The following SPPL3 variants were observed in gnomAD, a reference collection of about 807,000 sequenced individuals.
The protein encoded by SPPL3 is signal peptide peptidase-like 3.
A neutral mutation model predicts 42.4 loss-of-function variants in SPPL3; 5 were observed. That is an observed-to-expected ratio of 0.12 (90% CI 0.06 to 0.25). SPPL3 has a LOEUF of 0.25. Ranked by LOEUF, SPPL3 falls within the 10% of genes least tolerant of loss-of-function variation. The probability of loss-of-function intolerance (pLI) is 1.00; values close to 1 mark genes in which losing one functional copy is unlikely to be tolerated. For synonymous variants in SPPL3, 195 were observed against 181.8 expected (o/e 1.07, Z -0.58); for missense variants, 235 against 489.0 (o/e 0.48, Z 4.90).
intron 1 of SPPL3, among the ~76,000 whole-genome samples, chr12:120,827,328 CAAT>C (rs71076662): frequency 0.32 from 46,694 of 145,358 alleles, 7,870 homozygotes; most frequent in Non-Finnish European, 0.38. Context: ...ATAACAGGAA[CAAT>C]AATAATAATA....
chr12:120,858,814 G>C (rs1016350983), intron 1 of SPPL3, among the ~76,000 whole-genome samples: 4 of 152,184 alleles, frequency 2.6e-5, no homozygotes, highest in Admixed American at 2.0e-4. Flanking sequence ...ACTAGTCTCT[G>C]ACAGCAACGC....
At position 120,839,722 on chromosome 12, in the gene SPPL3, G is replaced by A. The variant is rs546505424; in HGVS notation, c.24-28836C>T. Reference sequence around the variant, plus strand: ...ATTAGGAAACAATAAGATACAGACTGTAAAACAGTGCAGTCACTTTGGAAA... The same window carrying A: ...ATTAGGAAACAATAAGATACAGACTATAAAACAGTGCAGTCACTTTGGAAA... On this transcript the variant is annotated intron_variant, in intron 1 of 10. Coordinates refer to ENST00000353487, the MANE Select transcript of SPPL3 (RefSeq NM_139015.5). Among the ~76,000 whole-genome samples the A allele has an allele frequency of 2.6e-4, 39 of 152,226 alleles. 1 individual carries two copies. The South Asian group carries it at 5.0e-3, about 19-fold the overall frequency.
chr12:120,770,823 C>G (rs1869091854), intron 6 of SPPL3, among the ~76,000 whole-genome samples: 1 of 152,198 alleles, frequency 6.6e-6, no homozygotes, highest in African/African-American at 2.4e-5. Context: ...CAGCCTGAAT[C>G]TCTTCTTGGA....
chr12:120,903,731 CG>C (rs796759937), intron 1 of SPPL3, 113 bp downstream of exon 1: 9 of 536,094 alleles, frequency 1.7e-5, no homozygotes, highest in East Asian at 4.8e-5. Flanking sequence ...CCCCAACCCG[CG>C]CCCCCCCCCC....
chr12:120,857,534 T>C (rs937247501), intron 1 of SPPL3, among the ~76,000 whole-genome samples: 7 of 152,230 alleles, frequency 4.6e-5, no homozygotes, highest in African/African-American at 1.7e-4. Flanking sequence ...TGTTTGTTTA[T>C]TGCAGCACTA....
In SPPL3 at chr12:120,891,754, AAAG is replaced by A. The variant is rs1873651601; in HGVS notation, c.23+12088_23+12090del. ...CAAATTCTAAAAAAAAAAAAAAAAA[AAAG>A]CAGCTGAGTGTCTCCACTTTAGGAA... On this transcript the variant is annotated intron_variant, in intron 1 of 10. Coordinates refer to ENST00000353487, the MANE Select transcript of SPPL3 (RefSeq NM_139015.5). Among the ~76,000 whole-genome samples, 3 of 138,332 alleles carry A rather than the reference AAAG, an allele frequency of 2.2e-5. No individual in the cohort carries two copies. The South Asian group carries it at 6.9e-4, about 32-fold the overall frequency. The allele number at this position is 138,332 out of a possible 152,430, so 90.8% of individuals were successfully genotyped here.
chr12:120,810,631 T>C (rs960527424), intron 2 of SPPL3, among the ~76,000 whole-genome samples, 178 bp downstream of exon 2: 2 of 152,186 alleles, frequency 1.3e-5, no homozygotes, highest in African/African-American at 4.8e-5. Flanking sequence ...ATAAGCACAA[T>C]GAAGAAGTGT....
intron 9 of SPPL3, among the ~76,000 whole-genome samples, chr12:120,766,853 G>A (rs1252105060): frequency 1.3e-5 from 2 of 152,206 alleles, no homozygotes; most frequent in African/African-American, 4.8e-5. Context: ...GCTGTGGGAC[G>A]AGGACAGTGC....
intron 1 of SPPL3, among the ~76,000 whole-genome samples, chr12:120,896,389 T>C (rs1277720994): frequency 2.0e-5 from 3 of 152,192 alleles, no homozygotes; most frequent in Non-Finnish European, 2.9e-5. Context: ...TTTGATCATT[T>C]AGAGCCCCTC....
chr12:120,860,836 TCCTC>T (rs911236848), intron 1 of SPPL3, among the ~76,000 whole-genome samples: 3 of 152,058 alleles, frequency 2.0e-5, no homozygotes, highest in African/African-American at 4.8e-5. Flanking sequence ...ACAACTACAG[TCCTC>T]CCTATCTTTG....
intron 6 of SPPL3, among the ~76,000 whole-genome samples, chr12:120,778,523 A>C (rs1869415409): frequency 6.6e-6 from 1 of 151,732 alleles, no homozygotes; most frequent in Non-Finnish European, 1.5e-5. Flanking sequence ...TGGTCACATC[A>C]CCCCCAAAAC....
At chr12:120,781,204 C>T (rs1171922793) in intron 6 of SPPL3, among the ~76,000 whole-genome samples, 3 of 152,108 alleles carry the variant, frequency 2.0e-5, no homozygotes, top group Non-Finnish European at 4.4e-5. Context: ...TTACTTCATC[C>T]TTATCATCAA....
intron 1 of SPPL3, among the ~76,000 whole-genome samples, chr12:120,823,105 G>C (rs904134529): frequency 5.3e-5 from 8 of 151,342 alleles, no homozygotes; most frequent in Non-Finnish European, 1.2e-4. Flanking sequence ...AGTTGGGCTA[G>C]AGAGGAGAGA....
At chr12:120,897,722 C>CA (rs1452588982) in intron 1 of SPPL3, among the ~76,000 whole-genome samples, 3 of 152,064 alleles carry the variant, frequency 2.0e-5, no homozygotes, top group African/African-American at 7.2e-5. Context: ...GACTCCGTCT[C>CA]AAAAAATAAT....
chr12:120,835,639 T>C (rs1283639869), intron 1 of SPPL3: 1 of 152,238 alleles, frequency 6.6e-6, no homozygotes, highest in African/African-American at 2.4e-5. Context: ...TGATAGTATC[T>C]TGAAAAACAA....
At chr12:120,866,325 A>G (rs1389558994) in intron 1 of SPPL3, among the ~76,000 whole-genome samples, 1 of 151,592 alleles carries the variant, frequency 6.6e-6, no homozygotes, top group African/African-American at 2.4e-5. Context: ...GTTCCACCCT[A>G]GACTATACAT....
At chr12:120,808,230 G>C (rs541032747) in intron 2 of SPPL3, among the ~76,000 whole-genome samples, 2 of 151,670 alleles carry the variant, frequency 1.3e-5, no homozygotes, top group South Asian at 4.2e-4. Flanking sequence ...AGGTAGCGCC[G>C]CCATGCCCAG....
chr12:120,843,914 C>T lies in SPPL3; in HGVS notation c.24-33028G>A, dbSNP rs553371967. 8.5e-5 allele frequency among the ~76,000 whole-genome samples: 13 copies of T among 152,224 alleles called. No individual in the cohort carries two copies. In the East Asian group the frequency reaches 9.7e-4, roughly 11 times the overall value. ...CGGAGGTTGCAGCGAGCCAGGGTCG[C>T]GCCACTGCACTCCAGTCTGGGCAAC... On this transcript the variant is annotated intron_variant, in intron 1 of 10. Transcript: ENST00000353487.
chr12:120,879,873 G>A (rs555516786), intron 1 of SPPL3, among the ~76,000 whole-genome samples: 1 of 152,074 alleles, frequency 6.6e-6, no homozygotes, highest in South Asian at 2.1e-4. Context: ...TATATACAGA[G>A]TTTAACAATG....
Sources: gnomAD v4.1 joint callset for allele counts (sites outside exome capture counted in the v4.1 genomes callset) on GRCh38, gnomAD v4.1.1 for gene constraint, MANE v1.5 for transcripts, NCBI Gene and HGNC (gene_info 2026-07-23, HGNC 2026-07-21) for gene names.